The following ORC4 variants were observed in gnomAD, a reference collection of about 807,000 sequenced individuals.
The protein encoded by ORC4 is origin recognition complex, subunit 4 homolog.
A neutral mutation model predicts 63.9 loss-of-function variants in ORC4; 55 were observed. That is an observed-to-expected ratio of 0.86 (90% confidence interval 0.69 to 1.08). The LOEUF is 1.08. ORC4 is among the 50% of genes least tolerant of loss of function. The pLI, the probability that ORC4 is intolerant of heterozygous loss-of-function variation, is 0.00. For synonymous variants in ORC4, 150 were observed against 168.5 expected (o/e 0.89, Z 0.85); for missense variants, 511 against 504.4 (o/e 1.01, Z -0.13).
rs574097940 is a variant in ORC4 at position 147,931,079 on chromosome 2, T to G, written c.*4431A>C. Reference sequence around the variant, plus strand: ...TGTCCATGTGATCTCATTGTTCAATTCCCACCTATGAGTGAGAATATGCGG... The same window carrying G: ...TGTCCATGTGATCTCATTGTTCAATGCCCACCTATGAGTGAGAATATGCGG... On this transcript the variant is annotated 3_prime_UTR_variant, in exon 14 of 14. Transcript: ENST00000392857. The G allele has an allele frequency of 9.5e-5, 14 of 146,612 alleles. No homozygotes were observed. Among genetic ancestry groups the G allele is most frequent in the African/African-American group, 3.5e-4 (14 of 39,710 alleles). The allele number at this position is 146,612 out of a possible 1,614,324, so 9.1% of individuals were successfully genotyped here. A position where few individuals can be genotyped will look rare whatever the true frequency, so the allele number is the denominator to read the frequency against.
chr2:147,994,677 C>T (rs1484636638), intron 1 of ORC4, among the ~76,000 whole-genome samples: 2 of 152,160 alleles, frequency 1.3e-5, no homozygotes, highest in African/African-American at 2.4e-5. Context: ...AAGTTTCACA[C>T]ACAAAAAATC....
intron 1 of ORC4, among the ~76,000 whole-genome samples, chr2:148,001,521 T>G (rs1020290686): frequency 6.6e-6 from 1 of 152,224 alleles, no homozygotes; most frequent in Non-Finnish European, 1.5e-5. Context: ...GCTTCATAAG[T>G]GAAGGATAAA....
chr2:147,970,627 A>G (rs1310227471), intron 4 of ORC4, among the ~76,000 whole-genome samples: 47 of 151,018 alleles, frequency 3.1e-4, no homozygotes, highest in African/African-American at 1.1e-3. Flanking sequence ...AAAAAAAAAA[A>G]GAAAAAAAAA....
chr2:148,004,274 A>G (rs1286263317), intron 1 of ORC4, among the ~76,000 whole-genome samples: 1 of 152,234 alleles, frequency 6.6e-6, no homozygotes, highest in Non-Finnish European at 1.5e-5. Flanking sequence ...TAAATTTCAT[A>G]TGGAACCAAA....
intron 1 of ORC4, among the ~76,000 whole-genome samples, chr2:148,009,409 A>C (rs1025265372): frequency 3.3e-5 from 5 of 152,168 alleles, no homozygotes; most frequent in African/African-American, 9.6e-5. Flanking sequence ...AGAAACCCAA[A>C]AAGAGCCCAA....
In ORC4 at chr2:147,952,450, T is replaced by A. The variant is rs748450620; in HGVS notation, c.511A>T (p.Thr171Ser). Residue 171 changes from threonine to serine, a missense_variant, in exon 8 of 14, where the codon ACA becomes TCA. Physicochemically the swap from Thr to Ser is moderately conservative, Grantham distance 58. Transcript: ENST00000392857. ...ATGTCAAAAAGATTATAGAGAAGTG[T>A]TTGGTTTTTATGATGAGCAAAAAGA... ...FDLFAHHKNQ[T>S]LLYNLFDISQ... 2.5e-6 allele frequency: 4 copies of A among 1,610,762 alleles called. No homozygotes were observed. The highest frequency in any genetic ancestry group is 4.5e-5 in the East Asian group (2 of 44,794).
rs990442037 is a variant in ORC4 at position 147,957,344 on chromosome 2, G to A, written c.387+954C>T. 9.3e-5 allele frequency among the ~76,000 whole-genome samples: 14 copies of A among 151,102 alleles called. No individual in the cohort carries two copies. The East Asian group carries it at 2.1e-3, about 23-fold the overall frequency. ...GCTAGGAGTCTTACACAACTATGGC[G>A]GTGTCATTGCAGCACAAAGCACACA... On this transcript the variant is annotated intron_variant, in intron 6 of 13. Coordinates refer to ENST00000392857, the MANE Select transcript of ORC4 (RefSeq NM_181741.4).
intron 1 of ORC4, among the ~76,000 whole-genome samples, chr2:147,987,889 T>C (rs1230449252): frequency 6.6e-6 from 1 of 151,648 alleles, no homozygotes; most frequent in Non-Finnish European, 1.5e-5. Context: ...CCATCTCTAC[T>C]AAAAATACAA....
chr2:147,998,392 C>T (rs572360256), intron 1 of ORC4, among the ~76,000 whole-genome samples: 1 of 152,266 alleles, frequency 6.6e-6, no homozygotes, highest in South Asian at 2.1e-4. Context: ...GGGTAGATGC[C>T]TCATAAATGG....
chr2:147,975,852 A>G, intron 2 of ORC4, 50 bp downstream of exon 2: 1 of 1,050,536 alleles, frequency 9.5e-7, no homozygotes, highest in Non-Finnish European at 1.5e-6. Context: ...ATTTCTCTGA[A>G]CAGCTTTACA....
intron 1 of ORC4, among the ~76,000 whole-genome samples, chr2:148,001,279 T>C (rs981979414): frequency 2.0e-5 from 3 of 152,088 alleles, no homozygotes; most frequent in South Asian, 2.1e-4. Flanking sequence ...TTGCAACAGT[T>C]AAAAGAAAAA....
intron 6 of ORC4, among the ~76,000 whole-genome samples, chr2:147,957,223 TA>T (rs1046124236): frequency 2.0e-5 from 3 of 146,524 alleles, no homozygotes; most frequent in African/African-American, 7.4e-5. Context: ...ATAGATTATA[TA>T]ATTATATAAT....
At chr2:147,974,379 A>T (rs1267308304) in intron 2 of ORC4, among the ~76,000 whole-genome samples, 1 of 152,160 alleles carries the variant, frequency 6.6e-6, no homozygotes, top group East Asian at 1.9e-4. Context: ...CACGTCTGTA[A>T]TCCCAACACT....
chr2:147,984,745 C>A (rs551270594), intron 1 of ORC4, among the ~76,000 whole-genome samples: 84 of 152,280 alleles, frequency 5.5e-4, no homozygotes, highest in African/African-American at 1.9e-3. Context: ...TGTGCATTTC[C>A]CCATGACAGT....
chr2:147,944,113 T>A (rs1269330258), intron 9 of ORC4, among the ~76,000 whole-genome samples: 1 of 152,060 alleles, frequency 6.6e-6, no homozygotes. Flanking sequence ...GTCGGAATTA[T>A]CTGAGTGTTA....
intron 4 of ORC4, among the ~76,000 whole-genome samples, chr2:147,967,298 A>G (rs910580236): frequency 6.6e-6 from 1 of 152,110 alleles, no homozygotes; most frequent in Non-Finnish European, 1.5e-5. Context: ...CACTCTCCCC[A>G]TTCTTATTCA....
At chr2:147,971,420 T>C (rs1690203142) in intron 4 of ORC4, among the ~76,000 whole-genome samples, 1 of 151,294 alleles carries the variant, frequency 6.6e-6, no homozygotes, top group African/African-American at 2.4e-5. Context: ...CTAAAACCTA[T>C]CAATAAGAAA....
chr2:148,002,695 T>TA (rs1462404641), intron 1 of ORC4, among the ~76,000 whole-genome samples: 8 of 151,414 alleles, frequency 5.3e-5, no homozygotes, highest in Admixed American at 4.6e-4. Flanking sequence ...ACATCACAAT[T>TA]AAAAAAACTA....
intron 11 of ORC4, among the ~76,000 whole-genome samples, chr2:147,938,893 A>G (rs1222247325): frequency 1.3e-5 from 2 of 152,186 alleles, no homozygotes; most frequent in Non-Finnish European, 2.9e-5. Context: ...TTCTTGATAC[A>G]ATGATAACAT....
Sources: gnomAD v4.1 joint callset for allele counts (sites outside exome capture counted in the v4.1 genomes callset) on GRCh38, gnomAD v4.1.1 for gene constraint, MANE v1.5 for transcripts, NCBI Gene and HGNC (gene_info 2026-07-23, HGNC 2026-07-21) for gene names.